Variants in DOCK7 observed in about 807,000 individuals in gnomAD.
DOCK7 encodes dedicator of cytokinesis 7, also known as dedicator of cytokinesis protein 7.
In DOCK7, 138 loss-of-function variants were observed where a neutral mutation model predicts 271.0. The observed-to-expected ratio is 0.51, with a 90% CI of 0.44 to 0.59. DOCK7 has a LOEUF of 0.59. DOCK7 is among the 20% of genes least tolerant of loss of function. The pLI, the probability that DOCK7 is intolerant of heterozygous loss-of-function variation, is 0.00. For synonymous variants in DOCK7, 823 were observed against 876.1 expected (o/e 0.94, Z 1.07); for missense variants, 2,066 against 2,592.4 (o/e 0.80, Z 4.41).
chr1:62,632,104 A>AT (rs1251853978), intron 10 of DOCK7, among the ~76,000 whole-genome samples: 1 of 152,148 alleles, frequency 6.6e-6, no homozygotes, highest in African/African-American at 2.4e-5. Context: ...TACCTCTCTC[A>AT]TATACTCTTT....
chr1:62,594,327 T>C (rs953305509), intron 14 of DOCK7, among the ~76,000 whole-genome samples: 1 of 150,456 alleles, frequency 6.6e-6, no homozygotes, highest in African/African-American at 2.5e-5. Flanking sequence ...ATTAGGCAAA[T>C]TACTTTAATT....
At position 62,586,519 on chromosome 1, in the gene DOCK7, G is replaced by C. The variant is rs772493833; in HGVS notation, c.1788C>G (p.Ser596Arg). 1.2e-6 allele frequency: 2 copies of C among 1,605,262 alleles called. No individual in the cohort carries two copies. Among genetic ancestry groups the C allele is most frequent in the Admixed American group, 3.4e-5 (2 of 59,348 alleles). ...KVQFMYGEDP[S>R]NAMPVIFGKS... ...GAACATTTCTTACCGGCATGGCATT[G>C]CTTGGATCCTCTCCATACATAAACT... is the stretch of plus-strand genomic sequence containing the variant. The change falls in exon 15 of 50, where the codon AGC becomes AGG. Residue 596 changes from serine to arginine, a missense_variant. Around this residue, in one of 2 missense-constraint regions of DOCK7, gnomAD observed 1,414 missense variants for 1,670.4 expected, o/e 0.85. Coordinates refer to ENST00000635253, the MANE Select transcript of DOCK7 (RefSeq NM_001367561.1).
intron 1 of DOCK7, among the ~76,000 whole-genome samples, chr1:62,670,057 G>A (rs1571966947): frequency 1.3e-5 from 2 of 151,738 alleles, no homozygotes; most frequent in South Asian, 2.1e-4. Flanking sequence ...AGGGTGTACT[G>A]GGTCCCCCAG....
Position 62,460,032 on chromosome 1 carries a change from G to A in DOCK7, c.6213-2327C>T, listed in dbSNP as rs1452126205. On this transcript the variant is annotated intron_variant, in intron 48 of 49. Transcript: ENST00000635253. ...GGAGAATGGCATGAACCTGGGAGGC[G>A]GAGCTTGCAGTGAGCAGAGATTTCG... is the stretch of plus-strand genomic sequence containing the variant. 4.7e-5 allele frequency among the ~76,000 whole-genome samples: 7 copies of A among 150,500 alleles called. No homozygotes were observed. The East Asian group carries it at 7.8e-4, about 17-fold the overall frequency.
intron 37 of DOCK7, among the ~76,000 whole-genome samples, chr1:62,502,772 A>T (rs1292719340): frequency 6.6e-6 from 1 of 152,138 alleles, no homozygotes; most frequent in Non-Finnish European, 1.5e-5. Context: ...ATTTTTTTTA[A>T]AGGGGAGGCA....
At chr1:62,665,393 T>A (rs1659175019) in intron 1 of DOCK7, among the ~76,000 whole-genome samples, 1 of 152,024 alleles carries the variant, frequency 6.6e-6, no homozygotes, top group Non-Finnish European at 1.5e-5. Context: ...GAGATGAGAC[T>A]ATGTAAAAGC....
At chr1:62,644,827 T>C (rs1260599472) in intron 7 of DOCK7, among the ~76,000 whole-genome samples, 3 of 152,214 alleles carry the variant, frequency 2.0e-5, no homozygotes, top group Admixed American at 2.0e-4. Context: ...ACCTGGACTT[T>C]TCTTATCATA....
At position 62,647,280 on chromosome 1, in the gene DOCK7, C is replaced by T. The variant is rs889060534; in HGVS notation, c.818+411G>A. ...AAGTTTTTTAAAGAAGGAAAAAATACGTATTTCAAAATCTTCAAAAATCAA... is the reference window on the plus strand; with the variant it reads ...AAGTTTTTTAAAGAAGGAAAAAATATGTATTTCAAAATCTTCAAAAATCAA... On this transcript the variant is annotated intron_variant, in intron 7 of 49. Coordinates refer to ENST00000635253, the MANE Select transcript of DOCK7 (RefSeq NM_001367561.1). Among the ~76,000 whole-genome samples the T allele has an allele frequency of 5.9e-5, 9 of 152,166 alleles. No individual in the cohort carries two copies. In the South Asian group the frequency reaches 6.2e-4, roughly 11 times the overall value.
intron 18 of DOCK7, among the ~76,000 whole-genome samples, chr1:62,569,048 T>C (rs77803541): frequency 6.6e-6 from 1 of 151,776 alleles, no homozygotes; most frequent in Non-Finnish European, 1.5e-5. Context: ...AACCAGGAAG[T>C]TGAATCCCTG....
At chr1:62,588,463 T>A (rs960233949) in intron 14 of DOCK7, among the ~76,000 whole-genome samples, 1 of 152,112 alleles carries the variant, frequency 6.6e-6, no homozygotes. Flanking sequence ...GCCTTGTGAT[T>A]TATTTGTTGA....
intron 7 of DOCK7, among the ~76,000 whole-genome samples, chr1:62,639,680 C>T (rs982733963): frequency 6.6e-6 from 1 of 151,764 alleles, no homozygotes; most frequent in Non-Finnish European, 1.5e-5. Flanking sequence ...CCACCTGCCT[C>T]GGCCTCCCAA....
Position 62,636,754 on chromosome 1 carries a change from T to C in DOCK7, c.819-151A>G, listed in dbSNP as rs1201112905. The C allele has an allele frequency of 5.1e-6, 3 of 589,638 alleles. No homozygotes were observed. In the East Asian group the frequency reaches 9.1e-5, roughly 18 times the overall value. The allele number at this position is 589,638 out of a possible 1,614,324, so 36.5% of individuals were successfully genotyped here. On this transcript the variant is annotated intron_variant, in intron 7 of 49. Transcript: ENST00000635253. ...ATTAAAACTTCTTCTTGAAATACAC[T>C]CTTCTATGCATATCGTTCAGAGTCT...
intron 14 of DOCK7, among the ~76,000 whole-genome samples, chr1:62,618,210 T>C (rs1048924509): frequency 1.2e-4 from 19 of 152,138 alleles, no homozygotes; most frequent in Admixed American, 2.0e-4. Flanking sequence ...TGTCAAGTAT[T>C]CTCTAGATAG....
At chr1:62,530,558 G>A (rs1333160196) in intron 29 of DOCK7, 4 of 152,206 alleles carry the variant, frequency 2.6e-5, no homozygotes, top group African/African-American at 9.7e-5. Flanking sequence ...GTGAAATCTA[G>A]ATGGAGATTC....
intron 14 of DOCK7, among the ~76,000 whole-genome samples, chr1:62,591,374 G>A (rs368202840): frequency 2.6e-5 from 4 of 152,016 alleles, no homozygotes; most frequent in African/African-American, 4.8e-5. Context: ...GGAGAGAGAG[G>A]AGCAGAAAAG....
intron 14 of DOCK7, chr1:62,597,376 TA>T: frequency 1.8e-6 from 1 of 559,858 alleles, no homozygotes; most frequent in Non-Finnish European, 3.1e-6. Flanking sequence ...TGATTTCATT[TA>T]GCATTGATCT....
chr1:62,542,471 T>C (rs1019541032), intron 25 of DOCK7, 137 bp downstream of exon 25: 13 of 708,562 alleles, frequency 1.8e-5, no homozygotes, highest in African/African-American at 5.4e-5. Flanking sequence ...ATGTAACACA[T>C]GTAATTTTGT....
intron 14 of DOCK7, among the ~76,000 whole-genome samples, chr1:62,601,503 G>A (rs1246139993): frequency 6.6e-6 from 1 of 151,516 alleles, no homozygotes; most frequent in Admixed American, 6.6e-5. Context: ...AAATATTTAC[G>A]GAGTTAAAGG....
At chr1:62,676,672 T>C (rs1373544479) in intron 1 of DOCK7, among the ~76,000 whole-genome samples, 3 of 152,142 alleles carry the variant, frequency 2.0e-5, no homozygotes, top group African/African-American at 7.2e-5. Flanking sequence ...TAAGAAAATT[T>C]TGCACCCTGA....
Sources: allele counts gnomAD v4.1 joint callset (sites outside exome capture counted in the v4.1 genomes callset), GRCh38; gene constraint gnomAD v4.1.1; regional missense constraint gnomAD v4.1.1; transcripts MANE v1.5; gene names NCBI Gene and HGNC (gene_info 2026-07-23, HGNC 2026-07-21).